The following LRRC4C variants were observed in gnomAD, a reference collection of about 807,000 sequenced individuals.
LRRC4C encodes the protein leucine rich repeat containing 4C, also known as leucine-rich repeat-containing protein 4C.
LRRC4C carries 5 observed loss-of-function variants against 33.6 expected under a neutral mutation model. The observed-to-expected ratio is 0.15, with a 90% confidence interval of 0.08 to 0.31. The LOEUF is 0.31. Ranked by LOEUF, LRRC4C falls within the 10% of genes least tolerant of loss-of-function variation. The pLI, the probability that LRRC4C is intolerant of heterozygous loss-of-function variation, is 1.00. For synonymous variants in LRRC4C, 329 were observed against 302.0 expected (o/e 1.09, Z -0.93); for missense variants, 560 against 796.7 (o/e 0.70, Z 3.58).
chr11:40,278,455 C>T (rs1359068650), intron 4 of LRRC4C, among the ~76,000 whole-genome samples: 1 of 152,188 alleles, frequency 6.6e-6, no homozygotes, highest in Non-Finnish European at 1.5e-5. Flanking sequence ...TGAGCTGTTA[C>T]TGACTGAAGA....
At chr11:41,325,171 T>A (rs867519084) in intron 1 of LRRC4C, among the ~76,000 whole-genome samples, 24 of 152,298 alleles carry the variant, frequency 1.6e-4, no homozygotes, top group East Asian at 3.9e-4. Flanking sequence ...TTTCTTTTTT[T>A]AAAAACTGGG....
chr11:40,648,863 G>C (rs1301980428), intron 2 of LRRC4C, among the ~76,000 whole-genome samples: 1 of 152,146 alleles, frequency 6.6e-6, no homozygotes, highest in Admixed American at 6.5e-5. Flanking sequence ...AGTACAAAGA[G>C]AGGAATTTCA....
chr11:40,486,478 T>C lies in LRRC4C; in HGVS notation c.-270+161664A>G, dbSNP rs151148204. On this transcript the variant is annotated intron_variant, in intron 3 of 6. Transcript: ENST00000528697. The stretch of plus-strand genomic sequence containing the variant: ...AAAAAGATCTAACAAGTATGATGCA[T>C]GGGCTTAACTATGATTGGTTCTCTG... Among the ~76,000 whole-genome samples, 26 of 152,188 alleles carry C rather than the reference T, an allele frequency of 1.7e-4. No homozygotes were observed. The East Asian group carries it at 3.7e-3, about 21-fold the overall frequency.
At chr11:40,404,951 A>C (rs1949905686) in intron 3 of LRRC4C, among the ~76,000 whole-genome samples, 1 of 152,050 alleles carries the variant, frequency 6.6e-6, no homozygotes, top group Admixed American at 6.6e-5. Context: ...CCCTCAAGGC[A>C]AGAGTAGCTA....
intron 2 of LRRC4C, among the ~76,000 whole-genome samples, chr11:40,678,613 G>C (rs895296731): frequency 2.6e-5 from 4 of 152,092 alleles, no homozygotes; most frequent in African/African-American, 9.7e-5. Context: ...TCTCCTTGCT[G>C]TTCTCATGAT....
intron 3 of LRRC4C, among the ~76,000 whole-genome samples, chr11:40,609,378 A>G (rs1021834544): frequency 6.6e-6 from 1 of 152,030 alleles, no homozygotes; most frequent in Non-Finnish European, 1.5e-5. Context: ...ATAGAAACCT[A>G]ATATACCAAA....
chr11:41,115,876 G>T (rs1662523044), intron 1 of LRRC4C, among the ~76,000 whole-genome samples: 1 of 151,968 alleles, frequency 6.6e-6, no homozygotes, highest in African/African-American at 2.4e-5. Flanking sequence ...GATGCTATTT[G>T]CCTGCCTCCT....
chr11:40,876,733 T>G (rs1369616280), intron 2 of LRRC4C, among the ~76,000 whole-genome samples: 1 of 151,672 alleles, frequency 6.6e-6, no homozygotes, highest in Non-Finnish European at 1.5e-5. Flanking sequence ...TGAAACCCCA[T>G]CTCTACTAAA....
chr11:40,447,592 G>A (rs902412547), intron 3 of LRRC4C, among the ~76,000 whole-genome samples: 9 of 152,104 alleles, frequency 5.9e-5, no homozygotes, highest in Admixed American at 4.6e-4. Context: ...AAAACATAAA[G>A]CACAGCTATT....
At position 41,057,398 on chromosome 11, in the gene LRRC4C, G is replaced by A. The variant is rs113102706; in HGVS notation, c.-495-123675C>T. ...CTGCACTGGCCTGCAGATACCTCTCGACACCTATAGCCTGGGCACCATGAA... is the reference window on the plus strand; with the variant it reads ...CTGCACTGGCCTGCAGATACCTCTCAACACCTATAGCCTGGGCACCATGAA... On this transcript the variant is annotated intron_variant, in intron 1 of 6. Coordinates refer to ENST00000528697, the MANE Select transcript of LRRC4C (RefSeq NM_001258419.2). Among the ~76,000 whole-genome samples the A allele has an allele frequency of 9.5e-3, 1,444 of 152,276 alleles. 21 individuals are homozygous for A. The highest frequency in any genetic ancestry group is 0.032 in the African/African-American group (1,325 of 41,548).
chr11:40,411,658 G>A (rs1045839688), intron 3 of LRRC4C, among the ~76,000 whole-genome samples: 7 of 152,000 alleles, frequency 4.6e-5, no homozygotes, highest in Admixed American at 2.6e-4. Flanking sequence ...ATAAGATAAA[G>A]CAAATGCTTA....
intron 1 of LRRC4C, among the ~76,000 whole-genome samples, chr11:40,974,992 A>C (rs1851983965): frequency 6.6e-6 from 1 of 152,130 alleles, no homozygotes; most frequent in Non-Finnish European, 1.5e-5. Flanking sequence ...CTCAACTCGG[A>C]CTGAGCCAAG....
rs1373985074 is a variant in LRRC4C at position 41,034,520 on chromosome 11, A to G, written c.-495-100797T>C. Among the ~76,000 whole-genome samples the G allele has an allele frequency of 2.1e-5, 3 of 145,632 alleles. No individual in the cohort carries two copies. The East Asian group carries it at 5.9e-4, about 29-fold the overall frequency. The stretch of plus-strand genomic sequence containing the variant: ...ATATATACAAAATATATGTGTGTAT[A>G]TATATATTTATATATATAATATAAA... On this transcript the variant is annotated intron_variant, in intron 1 of 6. Transcript: ENST00000528697.
At chr11:41,182,891 G>A (rs1381849183) in intron 1 of LRRC4C, among the ~76,000 whole-genome samples, 1 of 151,282 alleles carries the variant, frequency 6.6e-6, no homozygotes, top group African/African-American at 2.4e-5. Flanking sequence ...GTTCCACAAG[G>A]CTGGGGAGGC....
At chr11:40,863,716 C>G (rs919104789) in intron 2 of LRRC4C, among the ~76,000 whole-genome samples, 1 of 152,106 alleles carries the variant, frequency 6.6e-6, no homozygotes, top group Admixed American at 6.5e-5. Flanking sequence ...ACTCAGATAC[C>G]AGCAGAGATG....
intron 1 of LRRC4C, among the ~76,000 whole-genome samples, chr11:41,075,014 C>T (rs868363541): frequency 0.011 from 1,136 of 100,914 alleles, 14 homozygotes; most frequent in African/African-American, 0.035. Context: ...CTTCAATTTT[C>T]TTTTTTTTTT....
chr11:40,854,631 T>A (rs1953683164), intron 2 of LRRC4C, among the ~76,000 whole-genome samples: 1 of 151,956 alleles, frequency 6.6e-6, no homozygotes, highest in South Asian at 2.1e-4. Flanking sequence ...CTGGTATAGT[T>A]TTTTTGCTAC....
At chr11:40,656,427 G>C (rs1239329065) in intron 2 of LRRC4C, among the ~76,000 whole-genome samples, 1 of 150,820 alleles carries the variant, frequency 6.6e-6, no homozygotes, top group African/African-American at 2.4e-5. Context: ...CCTGATATTT[G>C]TGTCCCTAGT....
At chr11:40,287,262 G>A (rs1266554246) in intron 4 of LRRC4C, among the ~76,000 whole-genome samples, 5 of 150,272 alleles carry the variant, frequency 3.3e-5, no homozygotes, top group African/African-American at 1.2e-4. Flanking sequence ...CTGTATGTGT[G>A]TGTGTGTGTG....
Sources: allele counts gnomAD v4.1 joint callset (sites outside exome capture counted in the v4.1 genomes callset), GRCh38; gene constraint gnomAD v4.1.1; transcripts MANE v1.5; gene names NCBI Gene and HGNC (gene_info 2026-07-23, HGNC 2026-07-21).